ANAPC10: variants seen among roughly 807,000 people sequenced by gnomAD.
The protein encoded by ANAPC10 is anaphase promoting complex subunit 10.
Under a neutral mutation model 22.0 loss-of-function variants are expected in ANAPC10, and 12 were observed. The ratio of observed to expected loss-of-function variants is 0.55; its 90% confidence interval spans 0.35 to 0.88. The LOEUF (loss-of-function observed/expected upper bound fraction) is 0.88, where lower values mean the gene tolerates loss of function less well. ANAPC10 is among the 40% of genes least tolerant of loss of function. The pLI is 0.01. For synonymous variants in ANAPC10, 65 were observed against 69.5 expected, an observed-to-expected ratio of 0.94 and a Z score of 0.32; for missense variants, 188 against 220.9, an observed-to-expected ratio of 0.85 and a Z score of 0.94.
At chr4:145,074,532 A>G (rs1228447392) in intron 3 of ANAPC10, among the ~76,000 whole-genome samples, 1 of 152,168 alleles carries the variant, frequency 6.6e-6, no homozygotes, top group Non-Finnish European at 1.5e-5. Context: ...TAGTGTGTCT[A>G]TTCTTGAATT....
At chr4:145,019,464 C>A (rs1459408156) in intron 4 of ANAPC10, among the ~76,000 whole-genome samples, 1 of 152,042 alleles carries the variant, frequency 6.6e-6, no homozygotes, top group African/African-American at 2.4e-5. Context: ...GAGGAAAGTT[C>A]ATGGTGCTAA....
intron 4 of ANAPC10, among the ~76,000 whole-genome samples, chr4:145,030,004 C>T (rs1377376139): frequency 3.3e-5 from 5 of 152,104 alleles, no homozygotes; most frequent in Non-Finnish European, 5.9e-5. Context: ...AGGTGGCAGG[C>T]GCTAAGTGGC....
intron 4 of ANAPC10, among the ~76,000 whole-genome samples, chr4:145,009,988 C>A (rs1277093595): frequency 2.0e-5 from 3 of 152,138 alleles, no homozygotes; most frequent in African/African-American, 7.2e-5. Context: ...AAAAATCAAA[C>A]AAACCCATCA....
At chr4:144,998,473 C>T (rs535665932) in intron 4 of ANAPC10, among the ~76,000 whole-genome samples, 2 of 152,286 alleles carry the variant, frequency 1.3e-5, no homozygotes, top group South Asian at 2.1e-4. Context: ...TCACTCAAAA[C>T]GGCTCAACTA....
chr4:145,038,461 C>T (rs540540350), intron 4 of ANAPC10, among the ~76,000 whole-genome samples: 7 of 152,048 alleles, frequency 4.6e-5, no homozygotes, highest in Non-Finnish European at 2.9e-5. Context: ...TGCAGAGTGC[C>T]GAGATGGTGC....
At chr4:144,996,767 G>T (rs934467447) in intron 4 of ANAPC10, among the ~76,000 whole-genome samples, 1 of 152,134 alleles carries the variant, frequency 6.6e-6, no homozygotes, top group African/African-American at 2.4e-5. Flanking sequence ...GGCTTCAGAT[G>T]ATCAGAAATA....
chr4:145,070,430 C>T (rs913566777), intron 3 of ANAPC10, among the ~76,000 whole-genome samples: 3 of 152,130 alleles, frequency 2.0e-5, no homozygotes, highest in African/African-American at 7.2e-5. Context: ...TGCTTGATAG[C>T]ACAAAACATT....
intron 2 of ANAPC10, among the ~76,000 whole-genome samples, chr4:145,090,252 A>G (rs189932680): frequency 1.3e-5 from 2 of 152,190 alleles, no homozygotes; most frequent in Non-Finnish European, 2.9e-5. Flanking sequence ...TATAATGTAA[A>G]TATGTAAAAA....
chr4:145,065,119 G>A (rs913178868), intron 3 of ANAPC10, among the ~76,000 whole-genome samples: 2 of 151,872 alleles, frequency 1.3e-5, no homozygotes, highest in African/African-American at 4.8e-5. Context: ...AGCTAAGTGA[G>A]GAACTGGGTC....
intron 4 of ANAPC10, among the ~76,000 whole-genome samples, chr4:145,054,853 T>C (rs1426738502): frequency 1.3e-5 from 2 of 152,100 alleles, no homozygotes; most frequent in Non-Finnish European, 2.9e-5. Flanking sequence ...CCCTCGCATC[T>C]ATTTTATTCA....
chr4:145,046,877 T>G (rs1237738764), intron 4 of ANAPC10, among the ~76,000 whole-genome samples: 1 of 152,118 alleles, frequency 6.6e-6, no homozygotes, highest in African/African-American at 2.4e-5. Context: ...GAGCATGTCT[T>G]AATATACATA....
rs181725862 is a variant in ANAPC10, at chr4:145,007,908, G to C, written c.328-12305C>G. Reference sequence around the variant, plus strand: ...CAATGAATCCAGGAGCTGGTTTTTTGAAAAGATCAACAAAATTGATAGACC... The same window carrying C: ...CAATGAATCCAGGAGCTGGTTTTTTCAAAAGATCAACAAAATTGATAGACC... On this transcript the variant is annotated intron_variant, in intron 4 of 4. Transcript: ENST00000507656. Among the ~76,000 whole-genome samples the C allele has an allele frequency of 4.1e-3, 608 of 149,472 alleles. 9 individuals are homozygous for C. The highest frequency in any genetic ancestry group is 0.014 in the African/African-American group (564 of 40,828).
chr4:145,087,220 T>C (rs755431439), intron 2 of ANAPC10, among the ~76,000 whole-genome samples: 1 of 152,132 alleles, frequency 6.6e-6, no homozygotes, highest in African/African-American at 2.4e-5. Flanking sequence ...GCAGCATTAG[T>C]GGAGCAAGAG....
chr4:145,048,087 G>C (rs752206743), intron 4 of ANAPC10, among the ~76,000 whole-genome samples: 1 of 152,064 alleles, frequency 6.6e-6, no homozygotes, highest in Non-Finnish European at 1.5e-5. Flanking sequence ...TGCTAGAGTC[G>C]AATCAATTTT....
chr4:145,035,901 C>T (rs1278885104), intron 4 of ANAPC10, among the ~76,000 whole-genome samples: 4 of 152,118 alleles, frequency 2.6e-5, no homozygotes, highest in African/African-American at 7.2e-5. Context: ...TTCTGATGGA[C>T]CTTCCACTGG....
intron 4 of ANAPC10, among the ~76,000 whole-genome samples, chr4:145,023,031 T>C (rs1051437316): frequency 1.3e-5 from 2 of 152,018 alleles, no homozygotes; most frequent in African/African-American, 4.8e-5. Context: ...AGCCAGATTA[T>C]CAAAATACAC....
At chr4:145,088,714 C>T (rs1156471467) in intron 2 of ANAPC10, among the ~76,000 whole-genome samples, 2 of 152,180 alleles carry the variant, frequency 1.3e-5, no homozygotes, top group African/African-American at 4.8e-5. Context: ...AACCATTATC[C>T]ACAGTGGACA....
At chr4:145,097,410 A>T in intron 1 of ANAPC10, 1 of 1,078,930 alleles carries the variant, frequency 9.3e-7, no homozygotes, top group South Asian at 1.3e-5. Context: ...CGTGAACAAT[A>T]TGTAAAACTG....
chr4:145,025,442 G>A (rs1736519578), intron 4 of ANAPC10, among the ~76,000 whole-genome samples: 1 of 151,092 alleles, frequency 6.6e-6, no homozygotes, highest in Non-Finnish European at 1.5e-5. Flanking sequence ...GTTACTAAAT[G>A]GCCTAATTTC....
Sources: allele counts gnomAD v4.1 joint callset (sites outside exome capture counted in the v4.1 genomes callset), GRCh38; gene constraint gnomAD v4.1.1; transcripts MANE v1.5; gene names NCBI Gene and HGNC (gene_info 2026-07-23, HGNC 2026-07-21).